ADAD1: variants seen among roughly 807,000 people sequenced by gnomAD.
The protein encoded by ADAD1 is adenosine deaminase domain containing 1.
Under a neutral mutation model 66.8 loss-of-function variants are expected in ADAD1, and 46 were observed. The observed-to-expected ratio is 0.69, with a 90% confidence interval of 0.54 to 0.88. The LOEUF (loss-of-function observed/expected upper bound fraction) is 0.88. ADAD1 is among the 40% of genes least tolerant of loss of function. The pLI, the probability that ADAD1 is intolerant of heterozygous loss-of-function variation, is 0.00. For synonymous variants in ADAD1, 248 were observed against 229.4 expected, an observed-to-expected ratio of 1.08 and a Z score of -0.73; for missense variants, 617 against 681.8, an observed-to-expected ratio of 0.91 and a Z score of 1.06.
chr4:122,408,062 A>G, intron 8 of ADAD1, 31 bp downstream of exon 8: 1 of 1,587,504 alleles, frequency 6.3e-7, no homozygotes. Context: ...ATGTTATTAA[A>G]TATGAATGCC....
chr4:122,404,110 G>C (rs997026077), intron 7 of ADAD1, among the ~76,000 whole-genome samples: 3 of 152,192 alleles, frequency 2.0e-5, no homozygotes, highest in African/African-American at 7.2e-5. Context: ...TCCCCACTGA[G>C]AAAGCAAGCA....
chr4:122,407,981 A>G lies in ADAD1; in HGVS notation c.798A>G (p.Arg266=). 2 of 1,613,828 alleles carry G rather than the reference A, an allele frequency of 1.2e-6. No individual in the cohort carries two copies. Among genetic ancestry groups the G allele is most frequent in the Non-Finnish European group, 1.7e-6 (2 of 1,179,808 alleles). The change falls in exon 8 of 13, where the codon AGA becomes AGG. Residue 266 remains arginine, a synonymous_variant. Transcript: ENST00000296513. ...NYSQDIKPDG[R]VLHDTHAVVT... ...GCCAGGACATTAAGCCAGATGGAAG[A>G]GTATTGCATGACACTCATGCTGTTG...
In ADAD1 at chr4:122,405,733, C is replaced by G. The variant is rs1448186412; in HGVS notation, c.725-2175C>G. Among the ~76,000 whole-genome samples, 3 of 152,100 alleles carry G rather than the reference C, an allele frequency of 2.0e-5. No homozygotes were observed. The East Asian group carries it at 5.8e-4, about 29-fold the overall frequency. On this transcript the variant is annotated intron_variant, in intron 7 of 12. Transcript: ENST00000296513. Reference sequence around the variant, plus strand: ...TTTGTACCCTTTGATCAATGTGTCTCCATTTCCCCTTCTTTCTAACCGCTA... The same window carrying G: ...TTTGTACCCTTTGATCAATGTGTCTGCATTTCCCCTTCTTTCTAACCGCTA...
chr4:122,394,614 T>C (rs79903486), intron 6 of ADAD1, among the ~76,000 whole-genome samples: 210 of 152,292 alleles, frequency 1.4e-3, no homozygotes, highest in Middle Eastern at 3.4e-3. Flanking sequence ...TAGTTAGATA[T>C]AGTGTGTGGC....
At position 122,379,099 on chromosome 4, in the gene ADAD1, AAAC is replaced by A. The variant is rs1013938882; in HGVS notation, c.-95_-93del. 13 of 152,328 alleles carry A rather than the reference AAAC, an allele frequency of 8.5e-5. No homozygotes were observed. The highest frequency in any genetic ancestry group is 1.6e-4 in the Non-Finnish European group (11 of 68,052). The allele number at this position is 152,328 out of a possible 1,614,324, so 9.4% of individuals were successfully genotyped here. On this transcript the variant is annotated 5_prime_UTR_variant, in exon 1 of 13. Transcript: ENST00000296513. Reference sequence around the variant, plus strand: ...GTGGATGAAATGAGGGATTTTCTTGAAACAACCCTCACGCAGGTACCCCTTGGG... The same window carrying A: ...GTGGATGAAATGAGGGATTTTCTTGAAACCCTCACGCAGGTACCCCTTGGG...
At chr4:122,382,000 T>C (rs568269031) in intron 4 of ADAD1, among the ~76,000 whole-genome samples, 1 of 152,284 alleles carries the variant, frequency 6.6e-6, no homozygotes, top group South Asian at 2.1e-4. Context: ...TACAGCGACA[T>C]CAAGTTTCAG....
intron 12 of ADAD1, among the ~76,000 whole-genome samples, chr4:122,429,277 A>T (rs1797405797): frequency 6.8e-6 from 1 of 147,712 alleles, no homozygotes; most frequent in African/African-American, 2.5e-5. Context: ...TGCAAAAAAT[A>T]AAAAAAAAAT....
At chr4:122,398,059 G>C (rs1163342021) in intron 7 of ADAD1, among the ~76,000 whole-genome samples, 1 of 152,090 alleles carries the variant, frequency 6.6e-6, no homozygotes, top group African/African-American at 2.4e-5. Flanking sequence ...AAGTTCTTTA[G>C]TGGCGATTTC....
In ADAD1 at chr4:122,415,419, T is replaced by C; in HGVS notation, c.1290T>C (p.Ala430=). The C allele has an allele frequency of 1.9e-6, 3 of 1,613,896 alleles. No homozygotes were observed. The highest frequency in any genetic ancestry group is 2.5e-6 in the Non-Finnish European group (3 of 1,179,834). ...GTGATACCAGAGGCTTAGAAATCGC[T>C]ATAAAGCAACGTGTTGATGATGCAC... ...NCSDTRGLEI[A]IKQRVDDALT... The change falls in exon 11 of 13, where the codon GCT becomes GCC. Residue 430 remains alanine, a synonymous_variant. Transcript: ENST00000296513.
At chr4:122,412,912 A>G (rs1268432871) in intron 10 of ADAD1, 103 bp downstream of exon 10, 1 of 937,540 alleles carries the variant, frequency 1.1e-6, no homozygotes, top group Non-Finnish European at 1.6e-6. Flanking sequence ...CATACGTGAA[A>G]CTTTATTTAA....
At chr4:122,403,794 A>G (rs1223371010) in intron 7 of ADAD1, among the ~76,000 whole-genome samples, 2 of 152,118 alleles carry the variant, frequency 1.3e-5, no homozygotes, top group African/African-American at 2.4e-5. Context: ...GTTGAGAAAA[A>G]CCATCAGATA....
At chr4:122,426,216 T>G (rs1797229056) in intron 12 of ADAD1, among the ~76,000 whole-genome samples, 1 of 152,130 alleles carries the variant, frequency 6.6e-6, no homozygotes, top group Admixed American at 6.5e-5. Context: ...TAAGGGATTA[T>G]GAACAACTGT....
chr4:122,427,236 C>T lies in ADAD1; in HGVS notation c.1618-2390C>T, dbSNP rs189832146. On this transcript the variant is annotated intron_variant, in intron 12 of 12. Transcript: ENST00000296513. ...CAGCTTCATCCACAATAGCACCAAA[C>T]GTGTACATTTGTGTGTGTGTGTGTT... Among the ~76,000 whole-genome samples the T allele has an allele frequency of 1.3e-4, 20 of 152,162 alleles. No individual in the cohort carries two copies. In the East Asian group the frequency reaches 2.9e-3, roughly 22 times the overall value.
At chr4:122,398,643 T>G (rs1795826543) in intron 7 of ADAD1, among the ~76,000 whole-genome samples, 1 of 152,126 alleles carries the variant, frequency 6.6e-6, no homozygotes, top group African/African-American at 2.4e-5. Context: ...CATCCATTAT[T>G]ATTTTAATTT....
At chr4:122,420,057 A>G (rs560253069) in intron 11 of ADAD1, among the ~76,000 whole-genome samples, 1 of 152,308 alleles carries the variant, frequency 6.6e-6, no homozygotes, top group East Asian at 1.9e-4. Context: ...GAGAGAGAAA[A>G]TATTGGAAAG....
intron 9 of ADAD1, 36 bp from the exon 10 acceptor site, chr4:122,412,544 T>G (rs1796513145): frequency 6.3e-7 from 1 of 1,588,342 alleles, no homozygotes. Flanking sequence ...GTCACCTTTG[T>G]TTTTTAAAGG....
At chr4:122,415,292 C>A in intron 10 of ADAD1, 87 bp from the exon 11 acceptor site, 3 of 1,075,068 alleles carry the variant, frequency 2.8e-6, no homozygotes, top group Non-Finnish European at 4.1e-6. Context: ...GAGAAATGGG[C>A]TTTAGACGAT....
intron 7 of ADAD1, among the ~76,000 whole-genome samples, chr4:122,400,357 C>T (rs1340499548): frequency 2.0e-5 from 3 of 152,062 alleles, no homozygotes; most frequent in Non-Finnish European, 4.4e-5. Context: ...GTATGAAACC[C>T]ACTTGATCAT....
At chr4:122,383,311 A>G (rs1794993664) in intron 4 of ADAD1, among the ~76,000 whole-genome samples, 1 of 152,126 alleles carries the variant, frequency 6.6e-6, no homozygotes, top group African/African-American at 2.4e-5. Flanking sequence ...GGTTTCTTCA[A>G]AGAGATCTCT....
Sources: allele counts gnomAD v4.1 joint callset (sites outside exome capture counted in the v4.1 genomes callset), GRCh38; gene constraint gnomAD v4.1.1; transcripts MANE v1.5; gene names NCBI Gene and HGNC (gene_info 2026-07-23, HGNC 2026-07-21).